The following EPHA6 variants were observed in gnomAD, a reference collection of about 807,000 sequenced individuals.
The protein encoded by EPHA6 is EPH receptor A6.
Under a neutral mutation model 112.0 loss-of-function variants are expected in EPHA6, and 50 were observed. The ratio of observed to expected loss-of-function variants is 0.45; its 90% CI spans 0.36 to 0.56. The LOEUF is 0.56. EPHA6 is among the 20% of genes least tolerant of loss of function. The pLI is 0.00. For missense variants in EPHA6, 1,280 were observed against 1,417.4 expected, an observed-to-expected ratio of 0.90 and a Z score of 1.56; for synonymous variants, 529 against 490.7, an observed-to-expected ratio of 1.08 and a Z score of -1.03.
At chr3:97,156,770 T>C (rs2076297977) in intron 3 of EPHA6, among the ~76,000 whole-genome samples, 1 of 152,178 alleles carries the variant, frequency 6.6e-6, no homozygotes, top group Non-Finnish European at 1.5e-5. Flanking sequence ...TAATGTCAGT[T>C]TAATATTTTC....
At chr3:97,585,929 A>G (rs1272427390) in intron 11 of EPHA6, among the ~76,000 whole-genome samples, 2 of 152,224 alleles carry the variant, frequency 1.3e-5, no homozygotes, top group Admixed American at 6.5e-5. Context: ...AAGTCAGTGA[A>G]TGGATAAAAG....
chr3:96,910,980 T>C (rs926189072), intron 2 of EPHA6, among the ~76,000 whole-genome samples: 2 of 152,100 alleles, frequency 1.3e-5, no homozygotes, highest in African/African-American at 4.8e-5. Flanking sequence ...TATTTTGTGC[T>C]TCTGAATGCC....
chr3:97,323,400 T>C (rs1159917319), intron 5 of EPHA6, among the ~76,000 whole-genome samples: 1 of 151,914 alleles, frequency 6.6e-6, no homozygotes, highest in Non-Finnish European at 1.5e-5. Flanking sequence ...ATGTGAGTTA[T>C]CAGTTCATAG....
At chr3:96,941,890 G>GCAGCGGTGGCTGTAGAA (rs544376285) in intron 2 of EPHA6, among the ~76,000 whole-genome samples, 17 of 152,162 alleles carry the variant, frequency 1.1e-4, no homozygotes, top group Admixed American at 3.3e-4. Context: ...CTGGGTACCA[G>GCAGCGGTGGCTGTAGAA]CAGCGGTGGC....
intron 3 of EPHA6, among the ~76,000 whole-genome samples, chr3:97,052,183 G>A (rs750152931): frequency 6.6e-6 from 1 of 152,062 alleles, no homozygotes; most frequent in African/African-American, 2.4e-5. Context: ...AGTGCACACT[G>A]TTACATTATG....
At chr3:97,457,660 C>T (rs1314228572) in intron 7 of EPHA6, among the ~76,000 whole-genome samples, 2 of 152,012 alleles carry the variant, frequency 1.3e-5, no homozygotes, top group Non-Finnish European at 2.9e-5. Flanking sequence ...TGTATTAGCC[C>T]AATGCAAAAC....
At chr3:97,343,339 G>C (rs1309048843) in intron 5 of EPHA6, among the ~76,000 whole-genome samples, 1 of 152,154 alleles carries the variant, frequency 6.6e-6, no homozygotes, top group Non-Finnish European at 1.5e-5. Flanking sequence ...GGATGAAGTT[G>C]GGTGTTTAAT....
At chr3:97,527,865 G>A (rs374739498) in intron 10 of EPHA6, among the ~76,000 whole-genome samples, 106 of 152,216 alleles carry the variant, frequency 7.0e-4, no homozygotes, top group African/African-American at 2.2e-3. Context: ...TGATAAGGCA[G>A]GTTCTTTGGC....
At chr3:97,287,520 C>T (rs186268399) in intron 5 of EPHA6, among the ~76,000 whole-genome samples, 1 of 152,032 alleles carries the variant, frequency 6.6e-6, no homozygotes, top group African/African-American at 2.4e-5. Flanking sequence ...AAGGAGCATA[C>T]GTTAACATAA....
At chr3:97,064,260 A>G (rs1435104192) in intron 3 of EPHA6, among the ~76,000 whole-genome samples, 5 of 152,160 alleles carry the variant, frequency 3.3e-5, no homozygotes, top group Admixed American at 6.5e-5. Context: ...GACAATATGA[A>G]TATCAAGTTT....
At chr3:97,430,449 A>T (rs2089436700) in intron 6 of EPHA6, among the ~76,000 whole-genome samples, 1 of 152,118 alleles carries the variant, frequency 6.6e-6, no homozygotes, top group Non-Finnish European at 1.5e-5. Context: ...AGTATCATTT[A>T]TTCACACAAT....
At chr3:97,061,451 T>C (rs188398138) in intron 3 of EPHA6, among the ~76,000 whole-genome samples, 1 of 152,290 alleles carries the variant, frequency 6.6e-6, no homozygotes, top group Non-Finnish European at 1.5e-5. Context: ...CTCTTGTTCT[T>C]GTACCTCAAG....
At chr3:97,223,559 G>A (rs2078265179) in intron 3 of EPHA6, among the ~76,000 whole-genome samples, 1 of 152,164 alleles carries the variant, frequency 6.6e-6, no homozygotes, top group Admixed American at 6.5e-5. Context: ...GAGTCACTGG[G>A]GGTGGGGAGC....
chr3:97,156,096 C>A (rs1382228697), intron 3 of EPHA6, among the ~76,000 whole-genome samples: 3 of 152,078 alleles, frequency 2.0e-5, no homozygotes, highest in African/African-American at 7.2e-5. Context: ...TACCATAATA[C>A]AAATGTGAAG....
chr3:97,414,103 A>G (rs866847426), intron 6 of EPHA6, among the ~76,000 whole-genome samples: 3 of 152,078 alleles, frequency 2.0e-5, no homozygotes, highest in Middle Eastern at 3.4e-3. Context: ...CTCTACTGCT[A>G]CTCCCTTCAA....
At chr3:97,447,906 T>A in intron 6 of EPHA6, 1 of 429,040 alleles carries the variant, frequency 2.3e-6, no homozygotes, top group Non-Finnish European at 3.2e-6. Context: ...TACTTCACAG[T>A]CACTATGTAA....
At chr3:97,669,311 A>G (rs2107654246) in intron 14 of EPHA6, among the ~76,000 whole-genome samples, 1 of 149,922 alleles carries the variant, frequency 6.7e-6, no homozygotes, top group South Asian at 2.1e-4. Flanking sequence ...GTTACCTTGC[A>G]TTCTCGTTTG....
At chr3:97,677,541 C>A (rs568971015) in intron 14 of EPHA6, among the ~76,000 whole-genome samples, 1 of 151,718 alleles carries the variant, frequency 6.6e-6, no homozygotes, top group South Asian at 2.1e-4. Context: ...GCCAACATGG[C>A]GAAACCTTGT....
chr3:96,915,547 G>A (rs2107614098), intron 2 of EPHA6, among the ~76,000 whole-genome samples: 1 of 152,098 alleles, frequency 6.6e-6, no homozygotes, highest in East Asian at 1.9e-4. Flanking sequence ...GTTATTTATT[G>A]TTATTCTCCG....
Sources: allele counts gnomAD v4.1 joint callset (sites outside exome capture counted in the v4.1 genomes callset), GRCh38; gene constraint gnomAD v4.1.1; transcripts MANE v1.5; gene names NCBI Gene and HGNC (gene_info 2026-07-23, HGNC 2026-07-21).